TWSG1: variants seen among roughly 807,000 people sequenced by gnomAD.
The protein encoded by TWSG1 is twisted gastrulation BMP signaling modulator 1, also known as twisted gastrulation protein homolog 1.
A neutral mutation model predicts 23.0 loss-of-function variants in TWSG1; 15 were observed. That is an observed-to-expected ratio of 0.65 (90% CI 0.44 to 1.00). The LOEUF (loss-of-function observed/expected upper bound fraction) is 1.00. TWSG1 is among the 50% of genes least tolerant of loss of function. The probability of loss-of-function intolerance (pLI) is 0.00; values close to 1 mark genes in which losing one functional copy is unlikely to be tolerated. For synonymous variants in TWSG1, 86 were observed against 92.8 expected (o/e 0.93, Z 0.42); for missense variants, 242 against 278.7 (o/e 0.87, Z 0.94).
At chr18:9,351,444 A>G (rs938676080) in intron 2 of TWSG1, among the ~76,000 whole-genome samples, 3 of 151,992 alleles carry the variant, frequency 2.0e-5, no homozygotes. Context: ...TGTTTCTTTG[A>G]AAAAAATTAT....
At chr18:9,374,249 C>A (rs2040618836) in intron 3 of TWSG1, among the ~76,000 whole-genome samples, 1 of 151,918 alleles carries the variant, frequency 6.6e-6, no homozygotes, top group Admixed American at 6.6e-5. Flanking sequence ...AAATCAAAAG[C>A]TGTTTTTTTC....
rs1458974116 is a variant in TWSG1, at chr18:9,396,375, C to T, written c.319C>T (p.Leu107Phe). 1 of 1,614,160 alleles carries T rather than the reference C, an allele frequency of 6.2e-7. No individual in the cohort carries two copies. The highest frequency in any genetic ancestry group is 1.3e-5 in the African/African-American group (1 of 75,044). The change falls in exon 4 of 5, where the codon CTC becomes TTC. Residue 107 changes from leucine (L) to phenylalanine (F), a missense_variant. Transcript: ENST00000262120. ...HEPIPSLFRALTEGDTQLNWN... is the reference protein window; with the variant it reads ...HEPIPSLFRAFTEGDTQLNWN... Reference sequence around the variant, plus strand: ...ACCGATCCCTTCTCTCTTCCGGGCACTCACAGAAGGAGATACTCAGTTGAA... The same window carrying T: ...ACCGATCCCTTCTCTCTTCCGGGCATTCACAGAAGGAGATACTCAGTTGAA...
chr18:9,376,380 C>T (rs530961005), intron 3 of TWSG1, among the ~76,000 whole-genome samples: 1 of 152,172 alleles, frequency 6.6e-6, no homozygotes, highest in Non-Finnish European at 1.5e-5. Flanking sequence ...TACTGGACTT[C>T]AAGACTTACT....
chr18:9,382,208 CAA>C (rs1451672971), intron 3 of TWSG1, among the ~76,000 whole-genome samples: 8 of 151,096 alleles, frequency 5.3e-5, no homozygotes, highest in East Asian at 3.9e-4. Context: ...TTAGAAAAAA[CAA>C]GAGGAGGCTG....
intron 3 of TWSG1, among the ~76,000 whole-genome samples, chr18:9,393,062 T>C (rs921366745): frequency 1.3e-5 from 2 of 152,186 alleles, no homozygotes; most frequent in Non-Finnish European, 2.9e-5. Context: ...TAATGAAATG[T>C]TTGAAATATT....
chr18:9,399,344 AG>A lies in TWSG1; in HGVS notation c.491-1del. 6.4e-7 allele frequency: 1 copy of A among 1,552,966 alleles called. No individual in the cohort carries two copies. Among genetic ancestry groups the A allele is most frequent in the Non-Finnish European group, 8.7e-7 (1 of 1,152,564 alleles). On this transcript the variant is annotated splice_acceptor_variant, in intron 4 of 4. Coordinates refer to ENST00000262120, the MANE Select transcript of TWSG1 (RefSeq NM_020648.6). LOFTEE classifies it high-confidence loss of function. ...CTGAAATCTTAAATTTTTGTTTTTC[AG>A]AACACATGTGTACTGTGGTTTATTT...
chr18:9,394,539 G>A (rs745423206), intron 3 of TWSG1, among the ~76,000 whole-genome samples: 1 of 152,150 alleles, frequency 6.6e-6, no homozygotes, highest in Admixed American at 6.5e-5. Flanking sequence ...TAACAATAAT[G>A]TATTATACAT....
chr18:9,337,337 C>A lies in TWSG1; in HGVS notation c.108C>A (p.Ser36Arg). The A allele has an allele frequency of 6.2e-7, 1 of 1,613,334 alleles. No homozygotes were observed. The highest frequency in any genetic ancestry group is 8.5e-7 in the Non-Finnish European group (1 of 1,179,946). Reference sequence around the variant, plus strand: ...AAGCACTCTGTGCTAGTGATGTGAGCAAATGCCTCATTCAGGTAGGACTAA... The same window carrying A: ...AAGCACTCTGTGCTAGTGATGTGAGAAAATGCCTCATTCAGGTAGGACTAA... ...CNKALCASDV[S>R]KCLIQELCQC... Residue 36 changes from serine to arginine, a missense_variant, in exon 2 of 5, where the codon AGC (serine) becomes AGA (arginine). By Grantham distance (110) the Ser-to-Arg change is moderately radical. Transcript: ENST00000262120.
rs2040758424 is a variant in TWSG1 at position 9,400,564 on chromosome 18, T to C, written c.*1037T>C. 6.6e-6 allele frequency: 1 copy of C among 152,146 alleles called. No homozygotes were observed. Among genetic ancestry groups the C allele is most frequent in the Non-Finnish European group, 1.5e-5 (1 of 68,018 alleles). The allele number at this position is 152,146 out of a possible 1,614,324, so 9.4% of individuals were successfully genotyped here. A position where few individuals can be genotyped will look rare whatever the true frequency, so the allele number is the denominator to read the frequency against. On this transcript the variant is annotated 3_prime_UTR_variant, in exon 5 of 5. Coordinates refer to ENST00000262120, the MANE Select transcript of TWSG1 (RefSeq NM_020648.6). ...TCGTATGAACAGGACAGGGTGAAAA[T>C]GCTGGGAATTATTATGGGAAACAAA...
intron 2 of TWSG1, among the ~76,000 whole-genome samples, chr18:9,354,874 T>A (rs535190696): frequency 6.6e-6 from 1 of 152,312 alleles, no homozygotes; most frequent in South Asian, 2.1e-4. Flanking sequence ...AAAATTTTGG[T>A]AAAACCTTTC....
intron 3 of TWSG1, among the ~76,000 whole-genome samples, chr18:9,385,121 G>A (rs1277125229): frequency 6.6e-6 from 1 of 152,208 alleles, no homozygotes; most frequent in Non-Finnish European, 1.5e-5. Flanking sequence ...GAGATTATTT[G>A]AAGATCTGTC....
At chr18:9,347,208 G>A (rs761806054) in intron 2 of TWSG1, among the ~76,000 whole-genome samples, 1 of 152,094 alleles carries the variant, frequency 6.6e-6, no homozygotes, top group Non-Finnish European at 1.5e-5. Context: ...CTGTATGTAT[G>A]TTTTGTATAG....
Position 9,345,407 on chromosome 18 carries a change from T to C in TWSG1, c.123+8055T>C, listed in dbSNP as rs1447494030. 7.2e-5 allele frequency among the ~76,000 whole-genome samples: 11 copies of C among 152,278 alleles called. No individual in the cohort carries two copies. In the East Asian group the frequency reaches 2.1e-3, roughly 29 times the overall value. On this transcript the variant is annotated intron_variant, in intron 2 of 4. Transcript: ENST00000262120. Reference sequence around the variant, plus strand: ...GGCATGTACCTGTAATCCCAGCACTTTGGGAGATGGAGGTGGGAAGATCGC... The same window carrying C: ...GGCATGTACCTGTAATCCCAGCACTCTGGGAGATGGAGGTGGGAAGATCGC...
Position 9,387,770 on chromosome 18 carries a change from CAAAA to C in TWSG1, c.224-8496_224-8493del, listed in dbSNP as rs10616614. On this transcript the variant is annotated intron_variant, in intron 3 of 4. Transcript: ENST00000262120. ...GGGCAACAAGAGTGAAACTCTGTCTCAAAAAAAAAAAAAAAAAGCAAATTGCAGA... is the reference window on the plus strand; with the variant it reads ...GGGCAACAAGAGTGAAACTCTGTCTCAAAAAAAAAAAAAGCAAATTGCAGA... Among the ~76,000 whole-genome samples, 94 of 120,926 alleles carry C rather than the reference CAAAA, an allele frequency of 7.8e-4. 1 individual carries two copies. Among genetic ancestry groups the C allele is most frequent in the African/African-American group, 2.3e-3 (77 of 34,222 alleles). The allele number at this position is 120,926 out of a possible 152,430, so 79.3% of individuals were successfully genotyped here. A position where few individuals can be genotyped will look rare whatever the true frequency, so the allele number is the denominator to read the frequency against.
chr18:9,339,669 G>A (rs1032297257), intron 2 of TWSG1, among the ~76,000 whole-genome samples: 1 of 151,818 alleles, frequency 6.6e-6, no homozygotes, highest in African/African-American at 2.4e-5. Context: ...TGAGCATGGC[G>A]GTGCATGCTT....
chr18:9,396,200 A>AG, intron 3 of TWSG1, 80 bp from the exon 4 acceptor site: 1 of 1,138,268 alleles, frequency 8.8e-7, no homozygotes, highest in Non-Finnish European at 1.3e-6. Context: ...TAATCCTAGA[A>AG]GTTACATAAT....
Position 9,394,074 on chromosome 18 carries a change from T to C in TWSG1, c.224-2206T>C, listed in dbSNP as rs145718584. 2.1e-3 allele frequency among the ~76,000 whole-genome samples: 319 copies of C among 152,262 alleles called. 1 individual carries two copies. In the Middle Eastern group the frequency reaches 0.024, roughly 11 times the overall value. On this transcript the variant is annotated intron_variant, in intron 3 of 4. Transcript: ENST00000262120. The stretch of plus-strand genomic sequence containing the variant: ...ATACATTTATGCTAAGGAAAGGAAA[T>C]CAGTATATCGAAGAGACATCTGCAC...
intron 3 of TWSG1, among the ~76,000 whole-genome samples, chr18:9,362,547 A>G (rs902546083): frequency 1.3e-5 from 2 of 152,248 alleles, no homozygotes; most frequent in African/African-American, 4.8e-5. Context: ...ATGCCAAAAT[A>G]CACAAATGAA....
chr18:9,383,229 C>G (rs1451545998), intron 3 of TWSG1, among the ~76,000 whole-genome samples: 1 of 130,166 alleles, frequency 7.7e-6, no homozygotes, highest in Non-Finnish European at 1.5e-5. Context: ...GAGTCTTGCT[C>G]TGTCACCCAG....
Sources: gnomAD v4.1 joint callset for allele counts (sites outside exome capture counted in the v4.1 genomes callset) on GRCh38, gnomAD v4.1.1 for gene constraint, MANE v1.5 for transcripts, NCBI Gene and HGNC (gene_info 2026-07-23, HGNC 2026-07-21) for gene names.